Variants in AOPEP observed in about 807,000 individuals in gnomAD.
The protein encoded by AOPEP is aminopeptidase O.
AOPEP carries 77 observed loss-of-function variants against 98.1 expected under a neutral mutation model. The ratio of observed to expected loss-of-function variants is 0.78; its 90% CI spans 0.65 to 0.95. The LOEUF is 0.95. AOPEP is among the 40% of genes least tolerant of loss of function. The probability of loss-of-function intolerance (pLI) is 0.00; values close to 1 mark genes in which losing one functional copy is unlikely to be tolerated. For missense variants in AOPEP, 1,024 were observed against 1,024.7 expected, an observed-to-expected ratio of 1.00 and a Z score of 0.01; for synonymous variants, 346 against 365.3, an observed-to-expected ratio of 0.95 and a Z score of 0.60.
At chr9:94,791,714 T>G (rs1845768259) in intron 3 of AOPEP, among the ~76,000 whole-genome samples, 1 of 152,102 alleles carries the variant, frequency 6.6e-6, no homozygotes, top group Non-Finnish European at 1.5e-5. Flanking sequence ...TCGGGTACTA[T>G]GCTTATTACC....
At chr9:94,928,768 G>T in intron 7 of AOPEP, 1 of 455,938 alleles carries the variant, frequency 2.2e-6, no homozygotes, top group Non-Finnish European at 3.9e-6. Context: ...CCATTTCCGG[G>T]GGTCAGATCC....
the AOPEP span, among the ~76,000 whole-genome samples, chr9:95,108,369 A>G: frequency 3.3e-5 from 5 of 152,242 alleles, no homozygotes; most frequent in African/African-American, 1.2e-4. Context: ...CGGGAGCCCA[A>G]GGCCATTCTG....
At chr9:94,938,566 G>A (rs967451864) in intron 7 of AOPEP, among the ~76,000 whole-genome samples, 1 of 152,152 alleles carries the variant, frequency 6.6e-6, no homozygotes, top group Non-Finnish European at 1.5e-5. Flanking sequence ...AAGCCTGGTA[G>A]GCATAAAAAG....
intron 5 of AOPEP, among the ~76,000 whole-genome samples, chr9:94,857,148 T>C (rs1024725752): frequency 1.3e-5 from 2 of 152,236 alleles, no homozygotes; most frequent in African/African-American, 4.8e-5. Context: ...TTTTCTTACA[T>C]GGAAATATCC....
chr9:94,900,614 T>G (rs1294565274), intron 5 of AOPEP, among the ~76,000 whole-genome samples: 2 of 152,188 alleles, frequency 1.3e-5, no homozygotes, highest in African/African-American at 4.8e-5. Context: ...TTCATCGTGC[T>G]CGAGTAGAAG....
At position 94,800,761 on chromosome 9, in the gene AOPEP, G is replaced by C; in HGVS notation, c.1123G>C (p.Val375Leu). ...FSPSEANFRH[V>L]GVCSHMEYPC... ...TTTATTTTGTGTTATTCCCAGGCATGTTGGTGTTTGCAGTCACATGGAATA... is the reference window on the plus strand; with the variant it reads ...TTTATTTTGTGTTATTCCCAGGCATCTTGGTGTTTGCAGTCACATGGAATA... The change falls in exon 5 of 17, where the codon GTT becomes CTT. Residue 375 changes from valine to leucine, a missense_variant. By Grantham distance (32) the Val-to-Leu change is conservative (BLOSUM62 1). Around this residue, in one of 3 missense-constraint regions of AOPEP, gnomAD observed 18 missense variants for 39.1 expected, o/e 0.46. Coordinates refer to ENST00000375315, the MANE Select transcript of AOPEP (RefSeq NM_001193329.3). The C allele has an allele frequency of 6.2e-7, 1 of 1,614,010 alleles. No individual in the cohort carries two copies. Among genetic ancestry groups the C allele is most frequent in the Non-Finnish European group, 8.5e-7 (1 of 1,179,888 alleles).
intron 7 of AOPEP, among the ~76,000 whole-genome samples, chr9:94,941,807 C>T (rs2057038964): frequency 6.6e-6 from 1 of 152,138 alleles, no homozygotes; most frequent in African/African-American, 2.4e-5. Flanking sequence ...TTTGCAATAA[C>T]ATCTAGTAGG....
At chr9:94,741,418 G>C (rs563846511) in intron 1 of AOPEP, among the ~76,000 whole-genome samples, 1 of 151,770 alleles carries the variant, frequency 6.6e-6, no homozygotes, top group African/African-American at 2.4e-5. Flanking sequence ...GACTACAGGC[G>C]CCCGCCACCA....
chr9:94,738,374 ACT>A (rs1013478268), intron 1 of AOPEP, among the ~76,000 whole-genome samples: 2 of 151,802 alleles, frequency 1.3e-5, no homozygotes, highest in East Asian at 3.9e-4. Context: ...CTGGCCTTCC[ACT>A]CTCTGAATAT....
chr9:94,888,326 T>TGTGTGTGC (rs935695194), intron 5 of AOPEP, among the ~76,000 whole-genome samples: 1 of 151,908 alleles, frequency 6.6e-6, no homozygotes, highest in African/African-American at 2.4e-5. Flanking sequence ...TGTGTGTGTG[T>TGTGTGTGC]GTGTGTACTT....
intron 2 of AOPEP, among the ~76,000 whole-genome samples, chr9:94,769,596 G>T (rs564811507): frequency 6.6e-6 from 1 of 152,326 alleles, no homozygotes; most frequent in African/African-American, 2.4e-5. Context: ...GTGGCTTTTA[G>T]ATTGCTAACT....
chr9:94,967,210 C>T (rs1330227210), intron 9 of AOPEP, among the ~76,000 whole-genome samples: 1 of 152,026 alleles, frequency 6.6e-6, no homozygotes, highest in Non-Finnish European at 1.5e-5. Flanking sequence ...GTCCAGTGAC[C>T]GAGGACTTGT....
chr9:95,013,837 G>A (rs2062765865), intron 13 of AOPEP, among the ~76,000 whole-genome samples: 1 of 152,052 alleles, frequency 6.6e-6, no homozygotes, highest in South Asian at 2.1e-4. Flanking sequence ...GTCTCATGCT[G>A]GTCTCATTTC....
intron 5 of AOPEP, among the ~76,000 whole-genome samples, chr9:94,831,633 AT>A (rs1344437449): frequency 1.3e-5 from 2 of 152,098 alleles, no homozygotes; most frequent in East Asian, 3.9e-4. Context: ...GAATCTATAA[AT>A]TACTTTGGTC....
At chr9:94,996,073 G>A (rs965907434) in intron 11 of AOPEP, among the ~76,000 whole-genome samples, 6 of 152,128 alleles carry the variant, frequency 3.9e-5, no homozygotes, top group Non-Finnish European at 7.4e-5. Context: ...CCTTTTTCAC[G>A]GAGAGACGTG....
chr9:95,022,538 A>C (rs978772257), intron 13 of AOPEP, among the ~76,000 whole-genome samples: 3 of 151,938 alleles, frequency 2.0e-5, no homozygotes, highest in Non-Finnish European at 4.4e-5. Flanking sequence ...ATGGGGTTTC[A>C]CCGTGTTAGC....
chr9:94,870,291 A>G (rs2135595041), intron 5 of AOPEP, among the ~76,000 whole-genome samples: 1 of 152,250 alleles, frequency 6.6e-6, no homozygotes, highest in East Asian at 1.9e-4. Context: ...CGCCCAGCTG[A>G]AGACATTAAT....
At chr9:95,043,769 A>G (rs141701937) in intron 13 of AOPEP, among the ~76,000 whole-genome samples, 45 of 152,184 alleles carry the variant, frequency 3.0e-4, no homozygotes, top group South Asian at 1.0e-3. Context: ...GACTCAAGCA[A>G]TCCTCCCACC....
At chr9:94,893,917 C>T (rs2136101964) in intron 5 of AOPEP, among the ~76,000 whole-genome samples, 1 of 152,264 alleles carries the variant, frequency 6.6e-6, no homozygotes, top group South Asian at 2.1e-4. Flanking sequence ...AAATGTCAAT[C>T]AGTTCCTCAA....
Sources: allele counts gnomAD v4.1 joint callset (sites outside exome capture counted in the v4.1 genomes callset), GRCh38; gene constraint gnomAD v4.1.1; regional missense constraint gnomAD v4.1.1; transcripts MANE v1.5; gene names NCBI Gene and HGNC (gene_info 2026-07-23, HGNC 2026-07-21).